Variants in ZC3H12B observed in about 807,000 individuals in gnomAD.
ZC3H12B encodes the protein zinc finger CCCH-type containing 12B.
Under a neutral mutation model 43.9 loss-of-function variants are expected in ZC3H12B, and 7 were observed. The observed-to-expected ratio is 0.16, with a 90% CI of 0.09 to 0.30. ZC3H12B has a LOEUF of 0.30. ZC3H12B is among the 10% of genes least tolerant of loss of function. The probability of loss-of-function intolerance (pLI) is 1.00; values close to 1 mark genes in which losing one functional copy is unlikely to be tolerated. For missense variants in ZC3H12B, 475 were observed against 670.2 expected, an observed-to-expected ratio of 0.71 and a Z score of 3.22; for synonymous variants, 222 against 241.7, an observed-to-expected ratio of 0.92 and a Z score of 0.76.
At chrX:65,251,158 C>T in the ZC3H12B span, among the ~76,000 whole-genome samples, 1 of 111,843 alleles carries the variant, frequency 8.9e-6, no homozygotes, top group African/African-American at 3.3e-5. Context: ...CTACATATGG[C>T]TAGCCAGTTT....
chrX:65,326,478 C>A, the ZC3H12B span, among the ~76,000 whole-genome samples: 1 of 109,409 alleles, frequency 9.1e-6, no homozygotes, highest in Non-Finnish European at 1.9e-5. Context: ...AGATAGAGAG[C>A]AGATAAGGGG....
At chrX:65,151,653 C>A in the ZC3H12B span, among the ~76,000 whole-genome samples, 3 of 111,058 alleles carry the variant, frequency 2.7e-5, no homozygotes, top group Non-Finnish European at 5.7e-5. Flanking sequence ...ACAGTGAATA[C>A]AAACGAGGGA....
chrX:65,401,577 C>G (rs763179406), intron 3 of ZC3H12B, among the ~76,000 whole-genome samples: 2 of 111,922 alleles, frequency 1.8e-5, no homozygotes, highest in Non-Finnish European at 3.8e-5. Context: ...TGGGAGGCCA[C>G]ATGATCTACT....
chrX:65,474,569 T>A (rs954456317), intron 3 of ZC3H12B, among the ~76,000 whole-genome samples: 1 of 112,084 alleles, frequency 8.9e-6, no homozygotes, highest in African/African-American at 3.2e-5. Context: ...TCTGTCTATG[T>A]TGCAGATGTT....
At chrX:65,293,616 G>A in the ZC3H12B span, among the ~76,000 whole-genome samples, 4 of 109,785 alleles carry the variant, frequency 3.6e-5, no homozygotes, top group African/African-American at 1.3e-4. Flanking sequence ...AAGATACAGG[G>A]AATGAACAGA....
the ZC3H12B span, among the ~76,000 whole-genome samples, chrX:65,068,843 G>A: frequency 9.0e-5 from 10 of 110,556 alleles, no homozygotes; most frequent in African/African-American, 3.3e-4. Flanking sequence ...GTTTTTCTGG[G>A]AAAGTCTTTT....
At chrX:65,299,410 C>T in the ZC3H12B span, among the ~76,000 whole-genome samples, 4 of 111,926 alleles carry the variant, frequency 3.6e-5, no homozygotes, top group African/African-American at 1.3e-4. Context: ...TGATGTCCAA[C>T]TATATATAAA....
chrX:65,119,519 T>G, the ZC3H12B span, among the ~76,000 whole-genome samples: 1 of 112,073 alleles, frequency 8.9e-6, no homozygotes, highest in Non-Finnish European at 1.9e-5. Flanking sequence ...TAAATTTGTT[T>G]GAGTTCATTG....
At chrX:65,247,452 G>A in the ZC3H12B span, among the ~76,000 whole-genome samples, 1 of 112,475 alleles carries the variant, frequency 8.9e-6, no homozygotes, top group Admixed American at 9.4e-5. Flanking sequence ...GTTCATTGCA[G>A]CACTATTTAC....
chrX:65,404,956 A>T (rs1437386744), intron 3 of ZC3H12B, among the ~76,000 whole-genome samples: 1 of 112,687 alleles, frequency 8.9e-6, no homozygotes, highest in African/African-American at 3.2e-5. Context: ...ATGATAGGTC[A>T]AAAAAGTCTG....
At chrX:65,111,675 C>T in the ZC3H12B span, among the ~76,000 whole-genome samples, 3 of 110,030 alleles carry the variant, frequency 2.7e-5, no homozygotes, top group African/African-American at 9.9e-5. Context: ...CAACCTTTTT[C>T]ATTGTCATTA....
chrX:65,213,337 C>T, the ZC3H12B span, among the ~76,000 whole-genome samples: 1 of 110,639 alleles, frequency 9.0e-6, no homozygotes, highest in East Asian at 2.8e-4. Flanking sequence ...AACACTCCAA[C>T]ACCACAAATA....
intron 3 of ZC3H12B, among the ~76,000 whole-genome samples, chrX:65,473,835 C>T: frequency 9.0e-6 from 1 of 111,542 alleles, no homozygotes; most frequent in Non-Finnish European, 1.9e-5. Context: ...AGAAAATATA[C>T]CTGGAATGAC....
chrX:65,390,683 T>C (rs1190829756), intron 2 of ZC3H12B, among the ~76,000 whole-genome samples: 1 of 101,113 alleles, frequency 9.9e-6, no homozygotes, highest in Non-Finnish European at 2.0e-5. Flanking sequence ...TAAAAATATA[T>C]CAACAAACAC....
chrX:65,338,551 G>A, the ZC3H12B span, among the ~76,000 whole-genome samples: 1 of 111,874 alleles, frequency 8.9e-6, no homozygotes, highest in African/African-American at 3.3e-5. Context: ...ATCGGGCAGA[G>A]ACACAAGGAG....
At chrX:65,287,397 CA>C in the ZC3H12B span, among the ~76,000 whole-genome samples, 5 of 111,379 alleles carry the variant, frequency 4.5e-5, no homozygotes, top group Non-Finnish European at 9.4e-5. Context: ...GGAAGCTATA[CA>C]AGCACAGGGA....
the ZC3H12B span, among the ~76,000 whole-genome samples, chrX:65,202,285 C>G: frequency 9.8e-6 from 1 of 101,643 alleles, no homozygotes. Context: ...AGTCTTGAAG[C>G]TTGTGAATGT....
the ZC3H12B span, among the ~76,000 whole-genome samples, chrX:65,132,308 A>G: frequency 9.9e-5 from 11 of 111,121 alleles, no homozygotes; most frequent in Non-Finnish European, 1.9e-4. Context: ...AATTGTAAGG[A>G]GAGTTTATAG....
At chrX:65,377,638 A>G (rs1167804296) in intron 2 of ZC3H12B, among the ~76,000 whole-genome samples, 1 of 111,428 alleles carries the variant, frequency 9.0e-6, no homozygotes, top group Non-Finnish European at 1.9e-5. Flanking sequence ...GCTTTGGGGG[A>G]AAAAAAGAAA....
Sources: allele counts gnomAD v4.1 joint callset (sites outside exome capture counted in the v4.1 genomes callset), GRCh38; gene constraint gnomAD v4.1.1; transcripts MANE v1.5; gene names NCBI Gene and HGNC (gene_info 2026-07-23, HGNC 2026-07-21).